The following MAD1L1 variants were observed in gnomAD, a reference collection of about 807,000 sequenced individuals.
The protein encoded by MAD1L1 is mitotic spindle assembly checkpoint protein MAD1.
MAD1L1 carries 95 observed loss-of-function variants against 96.9 expected under a neutral mutation model. The observed-to-expected ratio is 0.98, with a 90% CI of 0.83 to 1.16. MAD1L1 has a LOEUF of 1.16. Ranked by LOEUF, MAD1L1 falls within the 50% of genes most tolerant of loss-of-function variation. The pLI is 0.00. For missense variants in MAD1L1, 1,007 were observed against 954.4 expected (o/e 1.06, Z -0.73); for synonymous variants, 473 against 396.6 (o/e 1.19, Z -2.29).
chr7:2,106,557 G>C (rs549373064), intron 11 of MAD1L1, among the ~76,000 whole-genome samples: 1 of 152,130 alleles, frequency 6.6e-6, no homozygotes, highest in Non-Finnish European at 1.5e-5. Context: ...CCCAGGGGTG[G>C]GGGGAGAAGG....
At chr7:2,187,172 A>C (rs1356756028) in intron 10 of MAD1L1, among the ~76,000 whole-genome samples, 2 of 151,764 alleles carry the variant, frequency 1.3e-5, no homozygotes, top group Admixed American at 1.3e-4. Flanking sequence ...ACATGACAAA[A>C]CCTCATCTCT....
rs569484649 is a variant in MAD1L1 at position 2,030,942 on chromosome 7, A to G, written c.1219-16300T>C. On this transcript the variant is annotated intron_variant, in intron 12 of 18. Transcript: ENST00000265854. ...CTTCCTCATTTTTGCCTCAAGTTCC[A>G]CAAGTCTCATTACAAGGTTATCTTA... Among the ~76,000 whole-genome samples the G allele has an allele frequency of 3.7e-3, 563 of 152,236 alleles. 2 individuals are homozygous for G. The highest frequency in any genetic ancestry group is 4.7e-3 in the Non-Finnish European group (318 of 68,026).
chr7:2,217,609 C>A (rs1793361508), intron 7 of MAD1L1, among the ~76,000 whole-genome samples: 1 of 152,214 alleles, frequency 6.6e-6, no homozygotes, highest in African/African-American at 2.4e-5. Flanking sequence ...AGTCAGATGC[C>A]CTGACTGAGA....
intron 11 of MAD1L1, among the ~76,000 whole-genome samples, chr7:2,087,560 T>C (rs1785984347): frequency 2.0e-5 from 3 of 152,108 alleles, no homozygotes; most frequent in East Asian, 1.9e-4. Context: ...TTATTAATAC[T>C]ACTACTAATC....
At chr7:2,012,048 C>T (rs1338297028) in intron 13 of MAD1L1, among the ~76,000 whole-genome samples, 4 of 152,186 alleles carry the variant, frequency 2.6e-5, no homozygotes, top group African/African-American at 9.7e-5. Context: ...CCCCAGGAGA[C>T]AGACAGGAAG....
intron 18 of MAD1L1, among the ~76,000 whole-genome samples, chr7:1,830,440 G>T (rs919749880): frequency 4.6e-5 from 7 of 152,184 alleles, no homozygotes; most frequent in Non-Finnish European, 8.8e-5. Context: ...GCCTACACAA[G>T]AAGAAGGAAG....
chr7:2,209,030 C>T (rs557476306), intron 10 of MAD1L1, among the ~76,000 whole-genome samples: 11 of 152,344 alleles, frequency 7.2e-5, no homozygotes, highest in Admixed American at 3.3e-4. Flanking sequence ...CGTGTGTTCA[C>T]GCAGGCTCAT....
intron 11 of MAD1L1, among the ~76,000 whole-genome samples, chr7:2,079,398 G>A (rs1785527396): frequency 6.6e-6 from 1 of 152,216 alleles, no homozygotes; most frequent in African/African-American, 2.4e-5. Context: ...CAAAACCAGA[G>A]AATGAGAAGA....
intron 17 of MAD1L1, among the ~76,000 whole-genome samples, chr7:1,906,052 A>C (rs1456865973): frequency 2.8e-4 from 5 of 18,054 alleles, no homozygotes; most frequent in South Asian, 2.6e-3. Context: ...TCCATCTCAA[A>C]AAAAAAAAAA....
chr7:1,819,027 C>T (rs1291594460), intron 18 of MAD1L1, among the ~76,000 whole-genome samples: 1 of 152,114 alleles, frequency 6.6e-6, no homozygotes, highest in Non-Finnish European at 1.5e-5. Flanking sequence ...TACCCAGCCA[C>T]ATTGGGAGGC....
chr7:1,859,607 G>A (rs1784420598), intron 18 of MAD1L1, among the ~76,000 whole-genome samples: 1 of 152,202 alleles, frequency 6.6e-6, no homozygotes, highest in South Asian at 2.1e-4. Context: ...TTGCCAGCAA[G>A]GAGTGGATGC....
intron 18 of MAD1L1, chr7:1,847,988 C>G (rs1037326626): frequency 5.7e-6 from 2 of 348,538 alleles, no homozygotes; most frequent in South Asian, 2.2e-5. Flanking sequence ...CCTGACCACA[C>G]TGGTTTTCAA....
intron 16 of MAD1L1, among the ~76,000 whole-genome samples, chr7:1,953,486 T>C (rs571510710): frequency 6.6e-6 from 1 of 152,212 alleles, no homozygotes; most frequent in South Asian, 2.1e-4. Context: ...ACAAGCACCA[T>C]GATGAGGCCA....
chr7:1,977,994 G>A (rs1780724291), intron 15 of MAD1L1, among the ~76,000 whole-genome samples: 1 of 152,238 alleles, frequency 6.6e-6, no homozygotes, highest in Non-Finnish European at 1.5e-5. Context: ...GCCTCGCGTG[G>A]CATTCAGGAC....
chr7:2,104,748 T>C (rs917087663), intron 11 of MAD1L1, among the ~76,000 whole-genome samples: 4 of 151,986 alleles, frequency 2.6e-5, no homozygotes, highest in African/African-American at 4.8e-5. Flanking sequence ...CCTAACGCCT[T>C]TGCCATGAAA....
At chr7:1,983,132 A>ACG (rs141111007) in intron 14 of MAD1L1, among the ~76,000 whole-genome samples, 10 of 144,876 alleles carry the variant, frequency 6.9e-5, no homozygotes, top group African/African-American at 1.8e-4. Flanking sequence ...ACACCCACAG[A>ACG]CGCGCGCGCG....
At chr7:2,112,670 A>C (rs1300073886) in intron 11 of MAD1L1, among the ~76,000 whole-genome samples, 2 of 152,208 alleles carry the variant, frequency 1.3e-5, no homozygotes, top group African/African-American at 4.8e-5. Context: ...GGATGGAGCC[A>C]GTGTCAGGGT....
chr7:2,008,880 G>A (rs779002010), intron 13 of MAD1L1, among the ~76,000 whole-genome samples: 2 of 152,184 alleles, frequency 1.3e-5, no homozygotes, highest in African/African-American at 2.4e-5. Context: ...CGCAGTGCTC[G>A]GGTTCCCCAG....
At chr7:1,894,077 C>T (rs918501781) in intron 18 of MAD1L1, among the ~76,000 whole-genome samples, 9 of 152,196 alleles carry the variant, frequency 5.9e-5, no homozygotes, top group African/African-American at 1.9e-4. Flanking sequence ...GGAGCTGCTG[C>T]GAACAGTACA....
Sources: gnomAD v4.1 joint callset for allele counts (sites outside exome capture counted in the v4.1 genomes callset) on GRCh38, gnomAD v4.1.1 for gene constraint, MANE v1.5 for transcripts, NCBI Gene and HGNC (gene_info 2026-07-23, HGNC 2026-07-21) for gene names.